The following PEX1 variants were observed in gnomAD, a reference collection of about 807,000 sequenced individuals.
PEX1 encodes the protein peroxisomal ATPase PEX1.
Under a neutral mutation model 152.5 loss-of-function variants are expected in PEX1, and 97 were observed. The observed-to-expected ratio is 0.64, with a 90% CI of 0.54 to 0.75. PEX1 has a LOEUF of 0.75. Ranked by LOEUF, PEX1 falls within the 30% of genes least tolerant of loss-of-function variation. The pLI is 0.00. For synonymous variants in PEX1, 485 were observed against 531.6 expected (o/e 0.91, Z 1.21); for missense variants, 1,357 against 1,516.3 (o/e 0.89, Z 1.74).
intron 2 of PEX1, among the ~76,000 whole-genome samples, chr7:92,521,156 C>A (rs1352148453): frequency 6.6e-6 from 1 of 151,854 alleles, no homozygotes; most frequent in Non-Finnish European, 1.5e-5. Context: ...GAGATAGGGT[C>A]TTGCTATGTT....
At chr7:92,499,862 T>C (rs1167297932) in intron 15 of PEX1, 24 bp from the exon 16 acceptor site, 2 of 1,564,728 alleles carry the variant, frequency 1.3e-6, no homozygotes, top group African/African-American at 2.7e-5. Context: ...AAAAAAAATA[T>C]GAAAAAGAGC....
intron 17 of PEX1, among the ~76,000 whole-genome samples, chr7:92,496,336 G>A (rs948469225): frequency 9.9e-5 from 15 of 151,732 alleles, no homozygotes; most frequent in Middle Eastern, 3.2e-3. Context: ...TTGGCCAGAT[G>A]GACTCTTGAC....
In PEX1 at chr7:92,506,538, A is replaced by C. The variant is rs954032975; in HGVS notation, c.1804-194T>G. 11 of 584,846 alleles carry C rather than the reference A, an allele frequency of 1.9e-5. No homozygotes were observed. The Admixed American group carries it at 3.3e-4, about 17-fold the overall frequency. 36.2% of individuals were successfully genotyped at this position (584,846 alleles called of 1,614,324 possible). ...ACGGATAGCAAAACCAGACAAAGAC[A>C]ACACAAAAACAGAAAACTGCAAACT... On this transcript the variant is annotated intron_variant, in intron 10 of 23. Transcript: ENST00000248633.
At chr7:92,495,761 G>C (rs1160965161) in intron 17 of PEX1, among the ~76,000 whole-genome samples, 4 of 151,868 alleles carry the variant, frequency 2.6e-5, no homozygotes, top group Admixed American at 6.6e-5. Flanking sequence ...TCTTGGCTTT[G>C]TGAGCTTCTC....
intron 1 of PEX1, among the ~76,000 whole-genome samples, chr7:92,524,708 C>T (rs1793191159): frequency 6.6e-6 from 1 of 152,176 alleles, no homozygotes; most frequent in Non-Finnish European, 1.5e-5. Context: ...TGTAATTTTT[C>T]TCACAATTTT....
chr7:92,504,296 A>G (rs1015715602), intron 12 of PEX1, among the ~76,000 whole-genome samples: 2 of 152,098 alleles, frequency 1.3e-5, no homozygotes, highest in African/African-American at 2.4e-5. Context: ...TTCATGTAGA[A>G]TACAAAGCAA....
chr7:92,517,962 T>C lies in PEX1; in HGVS notation c.553A>G (p.Lys185Glu), dbSNP rs749751537. Residue 185 changes from lysine to glutamate, a missense_variant, in exon 5 of 24, where the codon AAA (lysine) becomes GAA (glutamate). Coordinates refer to ENST00000248633, the MANE Select transcript of PEX1 (RefSeq NM_000466.3). ...LLIQPKTRRA[K>E]ENTFSKADAE... ...TCAGCTTTTGAAAATGTATTCTCTT[T>C]GGCTCGGCGTGTCTTTGGCTGAATA... 3.1e-6 allele frequency: 5 copies of C among 1,610,348 alleles called. No individual in the cohort carries two copies. The highest frequency in any genetic ancestry group is 4.2e-6 in the Non-Finnish European group (5 of 1,178,550).
At chr7:92,502,128 T>C (rs777883522) in intron 13 of PEX1, 49 bp from the exon 14 acceptor site, 22 of 1,251,864 alleles carry the variant, frequency 1.8e-5, no homozygotes, top group Middle Eastern at 2.1e-4. Context: ...TTCAACTGTA[T>C]ATTTTTGAAT....
intron 1 of PEX1, among the ~76,000 whole-genome samples, chr7:92,522,966 T>C (rs548142756): frequency 3.9e-4 from 60 of 152,214 alleles, no homozygotes; most frequent in Non-Finnish European, 7.5e-4. Context: ...CTCTTAATAA[T>C]TGTAAGGGCT....
At chr7:92,491,642 C>T (rs1009320603) in intron 20 of PEX1, 140 bp from the exon 21 acceptor site, 18 of 632,972 alleles carry the variant, frequency 2.8e-5, no homozygotes, top group East Asian at 5.5e-5. Context: ...AATTCTCTAA[C>T]GGTTTTGAGG....
chr7:92,490,974 A>G (rs1291279165), intron 21 of PEX1, among the ~76,000 whole-genome samples: 2 of 152,238 alleles, frequency 1.3e-5, no homozygotes, highest in Non-Finnish European at 2.9e-5. Flanking sequence ...TAAGTTTACT[A>G]TAAAATGGAA....
chr7:92,516,043 G>GAAAA (rs1490262016), intron 5 of PEX1, among the ~76,000 whole-genome samples: 161 of 101,026 alleles, frequency 1.6e-3, no homozygotes, highest in African/African-American at 5.7e-3. Flanking sequence ...GAAGAGAAGA[G>GAAAA]AAGAGAAGAG....
In PEX1 at chr7:92,502,928, C is replaced by G. The variant is rs569549082; in HGVS notation, c.2226+113G>C. On this transcript the variant is annotated intron_variant, in intron 13 of 23. Transcript: ENST00000248633. ...ATGCACCAAATGTTGACTTACATATCCTTAAAATCATTAAGAGAAGCATAA... is the reference window on the plus strand; with the variant it reads ...ATGCACCAAATGTTGACTTACATATGCTTAAAATCATTAAGAGAAGCATAA... 39 of 901,506 alleles carry G rather than the reference C, an allele frequency of 4.3e-5. 1 individual carries two copies. The highest frequency in any genetic ancestry group is 4.3e-4 in the African/African-American group (26 of 60,110). 55.8% of individuals were successfully genotyped at this position (901,506 alleles called of 1,614,324 possible).
intron 6 of PEX1, 99 bp from the exon 7 acceptor site, chr7:92,511,802 G>T (rs2116210656): frequency 9.0e-7 from 1 of 1,115,744 alleles, no homozygotes; most frequent in Non-Finnish European, 1.3e-6. Flanking sequence ...GTGTAAGCCT[G>T]ACCAAACAAA....
chr7:92,505,018 C>T, intron 11 of PEX1, 116 bp from the exon 12 acceptor site: 3 of 777,472 alleles, frequency 3.9e-6, no homozygotes, highest in Non-Finnish European at 6.6e-6. Flanking sequence ...AAAATTTGAT[C>T]TATATTTTAT....
chr7:92,488,243 A>G (rs971107650), intron 23 of PEX1, among the ~76,000 whole-genome samples: 1 of 152,378 alleles, frequency 6.6e-6, no homozygotes, highest in East Asian at 1.9e-4. Flanking sequence ...ATATATAAGC[A>G]TATAAACAAA....
intron 19 of PEX1, chr7:92,494,051 ATT>A: frequency 2.2e-6 from 1 of 464,132 alleles, no homozygotes; most frequent in Non-Finnish European, 3.9e-6. Flanking sequence ...GGTTTCTTGC[ATT>A]TTTTTTTCCC....
At chr7:92,489,647 T>G (rs903478852) in intron 22 of PEX1, 67 bp downstream of exon 22, 1 of 1,403,104 alleles carries the variant, frequency 7.1e-7, no homozygotes, top group African/African-American at 1.4e-5. Flanking sequence ...CAAAGAAATA[T>G]ATATCAAAAG....
chr7:92,487,840 T>C (rs971438421), intron 23 of PEX1, among the ~76,000 whole-genome samples: 3 of 152,208 alleles, frequency 2.0e-5, no homozygotes, highest in African/African-American at 4.8e-5. Flanking sequence ...ATTATTGATA[T>C]CATTTTTCTA....
Sources: allele counts gnomAD v4.1 joint callset (sites outside exome capture counted in the v4.1 genomes callset), GRCh38; gene constraint gnomAD v4.1.1; transcripts MANE v1.5; gene names NCBI Gene and HGNC (gene_info 2026-07-23, HGNC 2026-07-21).